Variants in SYT16 observed in about 807,000 individuals in gnomAD.
The protein encoded by SYT16 is synaptotagmin 16.
In SYT16, 42 loss-of-function variants were observed where a neutral mutation model predicts 61.4. The observed-to-expected ratio is 0.68, with a 90% confidence interval of 0.53 to 0.89. The LOEUF is 0.89. Among genes scored for constraint, SYT16 ranks in the 40% least tolerant of loss-of-function variants. The probability of loss-of-function intolerance (pLI) is 0.00; values close to 1 mark genes in which losing one functional copy is unlikely to be tolerated. For missense variants in SYT16, 804 were observed against 807.3 expected (o/e 1.00, Z 0.05); for synonymous variants, 314 against 302.3 (o/e 1.04, Z -0.40).
intron 1 of SYT16, among the ~76,000 whole-genome samples, chr14:61,831,515 G>A (rs2045932995): frequency 6.6e-6 from 1 of 151,904 alleles, no homozygotes; most frequent in Non-Finnish European, 1.5e-5. Context: ...TTCTAATTCT[G>A]GAAAATTCTT....
At chr14:61,908,016 A>G (rs570161547) in intron 1 of SYT16, among the ~76,000 whole-genome samples, 24 of 152,232 alleles carry the variant, frequency 1.6e-4, no homozygotes, top group Non-Finnish European at 3.2e-4. Flanking sequence ...TGCTCTTGCA[A>G]CTTTGAGAAC....
chr14:62,064,191 G>T (rs1446677040), intron 3 of SYT16, among the ~76,000 whole-genome samples: 4 of 152,028 alleles, frequency 2.6e-5, no homozygotes, highest in African/African-American at 9.7e-5. Context: ...GCTGAAATAA[G>T]TGTCACAACT....
At chr14:61,897,801 C>T (rs925639289) in intron 1 of SYT16, among the ~76,000 whole-genome samples, 1 of 152,080 alleles carries the variant, frequency 6.6e-6, no homozygotes, top group African/African-American at 2.4e-5. Flanking sequence ...ACACACTTGG[C>T]TCAGGGACTG....
intron 4 of SYT16, among the ~76,000 whole-genome samples, chr14:62,074,314 G>C (rs550460216): frequency 6.6e-6 from 1 of 152,206 alleles, no homozygotes; most frequent in African/African-American, 2.4e-5. Flanking sequence ...GTATGGGGAG[G>C]GAGGACAGGA....
intron 1 of SYT16, among the ~76,000 whole-genome samples, chr14:61,893,093 C>T (rs996719579): frequency 6.6e-6 from 1 of 152,076 alleles, no homozygotes; most frequent in South Asian, 2.1e-4. Flanking sequence ...AGAATTCCTG[C>T]ACACTTCCCA....
At chr14:61,948,960 A>G (rs2050557080) in intron 1 of SYT16, among the ~76,000 whole-genome samples, 1 of 152,180 alleles carries the variant, frequency 6.6e-6, no homozygotes, top group African/African-American at 2.4e-5. Context: ...TTAAAAGGCC[A>G]TTCTGGAATC....
Position 62,081,087 on chromosome 14 carries a change from A to G in SYT16, c.1247A>G (p.Glu416Gly), listed in dbSNP as rs763300243. 3.1e-6 allele frequency: 5 copies of G among 1,613,838 alleles called. No individual in the cohort carries two copies. The highest frequency in any genetic ancestry group is 4.2e-6 in the Non-Finnish European group (5 of 1,179,832). Residue 416 changes from glutamate (E) to glycine (G), a missense_variant, in exon 6 of 8, where the codon GAG becomes GGG. By Grantham distance (98) the Glu-to-Gly change is moderately conservative. Transcript: ENST00000683842. ...IQRGPNPVFR[E>G]KVTFAKLEPR... The stretch of plus-strand genomic sequence containing the variant: ...AGAGGGCCCAACCCCGTCTTCAGGG[A>G]GAAGGTCACCTTTGCCAAGCTGGAG...
intron 2 of SYT16, among the ~76,000 whole-genome samples, chr14:61,987,676 C>T (rs11629169): frequency 0.54 from 81,907 of 151,282 alleles, 22,833 homozygotes; most frequent in East Asian, 0.75. Flanking sequence ...ACAAGGAAAA[C>T]GATAGAAGAA....
intron 3 of SYT16, among the ~76,000 whole-genome samples, chr14:62,032,867 A>G (rs2054361538): frequency 1.3e-5 from 2 of 151,990 alleles, no homozygotes; most frequent in Admixed American, 1.3e-4. Context: ...GTGTCACTAC[A>G]ATGAAAGAAA....
At chr14:61,849,459 G>A (rs115333016) in intron 1 of SYT16, among the ~76,000 whole-genome samples, 266 of 152,284 alleles carry the variant, frequency 1.7e-3, no homozygotes, top group African/African-American at 6.0e-3. Flanking sequence ...GAGCACTTTA[G>A]CTTGTGGTGG....
chr14:62,005,911 G>C (rs192137163), intron 3 of SYT16, among the ~76,000 whole-genome samples: 7 of 152,166 alleles, frequency 4.6e-5, no homozygotes, highest in Admixed American at 4.6e-4. Flanking sequence ...GTGGGAATTG[G>C]GAATGCACCA....
rs2056967424 is a variant in SYT16 at position 62,088,657 on chromosome 14, A to G, written c.1624+4272A>G. Among the ~76,000 whole-genome samples the G allele has an allele frequency of 3.9e-5, 6 of 152,198 alleles. No individual in the cohort carries two copies. The South Asian group carries it at 1.2e-3, about 32-fold the overall frequency. ...TACTGTAAAATATTAAACTCTAGCTAATGAAATGCATGCTGAAATTTTTAG... is the reference window on the plus strand; with the variant it reads ...TACTGTAAAATATTAAACTCTAGCTGATGAAATGCATGCTGAAATTTTTAG... On this transcript the variant is annotated intron_variant, in intron 7 of 7. Coordinates refer to ENST00000683842, the MANE Select transcript of SYT16 (RefSeq NM_001367656.1).
At chr14:61,863,587 C>G (rs762740211) in intron 1 of SYT16, among the ~76,000 whole-genome samples, 6 of 152,222 alleles carry the variant, frequency 3.9e-5, no homozygotes, top group Non-Finnish European at 8.8e-5. Context: ...TTGACTTTCT[C>G]TTTCACAGAG....
intron 1 of SYT16, among the ~76,000 whole-genome samples, chr14:61,859,229 A>G (rs958025188): frequency 5.9e-5 from 9 of 152,198 alleles, no homozygotes; most frequent in African/African-American, 2.2e-4. Context: ...CCAACCTGGG[A>G]GCTTGCGCTA....
At chr14:61,925,117 T>C (rs2049484049) in intron 1 of SYT16, among the ~76,000 whole-genome samples, 1 of 152,260 alleles carries the variant, frequency 6.6e-6, no homozygotes. Flanking sequence ...CTGGTTGTTC[T>C]ATTCCTAAGG....
At chr14:62,100,339 A>G in intron 7 of SYT16, 55 bp from the exon 8 acceptor site, 1 of 1,440,440 alleles carries the variant, frequency 6.9e-7, no homozygotes, top group South Asian at 1.4e-5. Flanking sequence ...CTAGCCAAAC[A>G]GAGAGCACTA....
At chr14:61,949,325 CTT>C (rs1270787373) in intron 1 of SYT16, among the ~76,000 whole-genome samples, 1 of 152,206 alleles carries the variant, frequency 6.6e-6, no homozygotes, top group Non-Finnish European at 1.5e-5. Context: ...GCCAAGTACT[CTT>C]TTTATATCCA....
intron 1 of SYT16, among the ~76,000 whole-genome samples, chr14:61,886,225 A>G (rs1159151636): frequency 2.0e-5 from 3 of 151,838 alleles, no homozygotes; most frequent in Non-Finnish European, 4.4e-5. Context: ...CGGCCTTTCA[A>G]AGTGCTGGGA....
intron 4 of SYT16, among the ~76,000 whole-genome samples, chr14:62,070,366 G>T: frequency 6.6e-6 from 1 of 152,128 alleles, no homozygotes. Flanking sequence ...ACATGCCCCT[G>T]CATCCTTACT....
Sources: gnomAD v4.1 joint callset for allele counts (sites outside exome capture counted in the v4.1 genomes callset) on GRCh38, gnomAD v4.1.1 for gene constraint, MANE v1.5 for transcripts, NCBI Gene and HGNC (gene_info 2026-07-23, HGNC 2026-07-21) for gene names.